Variants in RALGDS observed in about 807,000 individuals in gnomAD.
RALGDS encodes the protein ral guanine nucleotide dissociation stimulator, also known as ral guanine nucleotide exchange factor.
RALGDS carries 44 observed loss-of-function variants against 99.8 expected under a neutral mutation model. The ratio of observed to expected loss-of-function variants is 0.44; its 90% CI spans 0.35 to 0.57. The LOEUF (loss-of-function observed/expected upper bound fraction) is 0.57, where lower values mean the gene tolerates loss of function less well. Among genes scored for constraint, RALGDS ranks in the 20% least tolerant of loss-of-function variants. The pLI is 0.01. For synonymous variants in RALGDS, 529 were observed against 505.0 expected (o/e 1.05, Z -0.64); for missense variants, 1,022 against 1,203.1 (o/e 0.85, Z 2.23).
At chr9:133,124,674 T>A (rs1364922757), upstream of RALGDS, among the ~76,000 whole-genome samples, 1 of 152,200 alleles carries the variant, frequency 6.6e-6, no homozygotes, top group Non-Finnish European at 1.5e-5. Context: ...TGTTGCCCAA[T>A]GCCCTCAGAT....
At chr9:133,117,621 T>G (rs2365216) in intron 1 of RALGDS, among the ~76,000 whole-genome samples, 49,509 of 152,244 alleles carry the variant, frequency 0.33, 8,518 homozygotes, top group Middle Eastern at 0.43. Context: ...TGAGGCTGCA[T>G]GCATCAGTGT....
chr9:133,133,474 C>A (rs1745286507), upstream of RALGDS, among the ~76,000 whole-genome samples: 1 of 152,232 alleles, frequency 6.6e-6, no homozygotes, highest in African/African-American at 2.4e-5. Flanking sequence ...TTGTTCCCTG[C>A]TGGCCAGGCC....
chr9:133,147,941 T>G (rs1832652307), intron 1 of RALGDS, among the ~76,000 whole-genome samples: 1 of 152,196 alleles, frequency 6.6e-6, no homozygotes, highest in Admixed American at 6.5e-5. Context: ...GCAACGGCTC[T>G]GGCCCCACTT....
chr9:133,142,634 T>C (rs1464901921), intron 1 of RALGDS, among the ~76,000 whole-genome samples: 1 of 152,012 alleles, frequency 6.6e-6, no homozygotes, highest in Admixed American at 6.6e-5. Flanking sequence ...CCCACCCCTA[T>C]GGGGGGGCCC....
At chr9:133,132,625 G>A (rs1430309634), upstream of RALGDS, among the ~76,000 whole-genome samples, 17 of 151,940 alleles carry the variant, frequency 1.1e-4, no homozygotes, top group Non-Finnish European at 2.1e-4. Flanking sequence ...GGAAAGAAGC[G>A]CTCAACTTTC....
chr9:133,098,882 T>C (rs1433331788), intron 17 of RALGDS, 120 bp from the exon 18 acceptor site: 4 of 971,696 alleles, frequency 4.1e-6, no homozygotes, highest in Admixed American at 2.1e-5. Context: ...TCCCCTCCAA[T>C]ACAGCTCCAG....
chr9:133,100,767 G>A lies in RALGDS; in HGVS notation c.2455-385C>T, dbSNP rs1045855844. 15 of 1,156,836 alleles carry A rather than the reference G, an allele frequency of 1.3e-5. 1 individual carries two copies. The highest frequency in any genetic ancestry group is 8.0e-5 in the African/African-American group (5 of 62,486). The allele number at this position is 1,156,836 out of a possible 1,614,324, so 71.7% of individuals were successfully genotyped here. ...CCCTGGAGGTAAGAAAGGAGGGGCC[G>A]GCCAGGATGCTCAGTGTGGTCAGCA... On this transcript the variant is annotated intron_variant, in intron 16 of 17. Coordinates refer to ENST00000372050, the MANE Select transcript of RALGDS (RefSeq NM_006266.4).
Position 133,139,418 on chromosome 9 carries a change from G to A in RALGDS, c.18+9545C>T, listed in dbSNP as rs114894032. Among the ~76,000 whole-genome samples the A allele has an allele frequency of 5.2e-3, 799 of 152,280 alleles. 7 individuals are homozygous for A. Among genetic ancestry groups the A allele is most frequent in the African/African-American group, 0.018 (760 of 41,562 alleles). ...TCGAGGGGGCAGGGGGACCAGGCAG[G>A]CGGTGCCGCCAGCTGAGACCTTCCA... On this transcript the variant is annotated intron_variant, in intron 1 of 17. Transcript: ENST00000393160.
chr9:133,103,348 C>CAG, intron 11 of RALGDS, 86 bp from the exon 12 acceptor site: 1 of 1,545,262 alleles, frequency 6.5e-7, no homozygotes, highest in African/African-American at 1.4e-5. Context: ...ATCAAGAGTG[C>CAG]CCACCAGGGG....
intron 4 of RALGDS, 51 bp downstream of exon 4, chr9:133,109,575 C>T (rs745405760): frequency 1.3e-6 from 2 of 1,509,266 alleles, no homozygotes; most frequent in South Asian, 1.1e-5. Flanking sequence ...TGTACTCTCC[C>T]ACTGTTCGGT....
At chr9:133,100,525 G>A (rs1381595988) in intron 16 of RALGDS, 143 bp from the exon 17 acceptor site, 2 of 1,539,600 alleles carry the variant, frequency 1.3e-6, no homozygotes, top group African/African-American at 2.7e-5. Flanking sequence ...GGTCCGGAGA[G>A]GGCCTTGTCA....
Position 133,102,885 on chromosome 9 carries a change from C to T in RALGDS, c.1807G>A (p.Ala603Thr), listed in dbSNP as rs748828691. The change falls in exon 13 of 18, where the codon GCC becomes ACC. Residue 603 changes from alanine to threonine, a missense_variant. Physicochemically the swap from Ala to Thr is moderately conservative, Grantham distance 58 (BLOSUM62 0). Around this residue, in one of 3 missense-constraint regions of RALGDS, gnomAD observed 825 missense variants for 994.5 expected, o/e 0.83. Coordinates refer to ENST00000372050, the MANE Select transcript of RALGDS (RefSeq NM_006266.4). ...GCCGACTGCAGCAGCTTGATCTGGGCGATCACCTCGAACTCCTGGGGCCAG... is the reference window on the plus strand; with the variant it reads ...GCCGACTGCAGCAGCTTGATCTGGGTGATCACCTCGAACTCCTGGGGCCAG... ...EKRRKEFEVI[A>T]QIKLLQSACN... 4.3e-6 allele frequency: 7 copies of T among 1,613,158 alleles called. No homozygotes were observed. The highest frequency in any genetic ancestry group is 1.3e-5 in the African/African-American group (1 of 74,938).
chr9:133,148,567 T>G (rs116274123), intron 1 of RALGDS, among the ~76,000 whole-genome samples: 280 of 152,320 alleles, frequency 1.8e-3, no homozygotes, highest in African/African-American at 6.5e-3. Context: ...TCTGCGTGTG[T>G]GTGAGCATGT....
intron 1 of RALGDS, among the ~76,000 whole-genome samples, chr9:133,128,386 C>T (rs1034904181): frequency 6.6e-6 from 1 of 152,142 alleles, no homozygotes; most frequent in Non-Finnish European, 1.5e-5. Flanking sequence ...CCCATAGTCT[C>T]AGCCTAGTAC....
chr9:133,134,176 C>G (rs188020061), upstream of RALGDS, among the ~76,000 whole-genome samples: 1 of 152,182 alleles, frequency 6.6e-6, no homozygotes, highest in Non-Finnish European at 1.5e-5. Flanking sequence ...ATGCTGTGGT[C>G]GTGCAGGAGA....
rs113454889 is a variant in RALGDS, at chr9:133,137,746, AG to A, written c.18+11216del. 3.9e-4 allele frequency among the ~76,000 whole-genome samples: 59 copies of A among 152,310 alleles called. 1 individual carries two copies. Among genetic ancestry groups the A allele is most frequent in the African/African-American group, 1.3e-3 (56 of 41,576 alleles). On this transcript the variant is annotated intron_variant, in intron 1 of 17. Transcript: ENST00000393160. ...ACGGTGGAGGCGGTGGTAGGTGGTC[AG>A]GTTGGCCCTGGTTTAACCTAGGGGG... is the stretch of plus-strand genomic sequence containing the variant.
rs1248099865 is a variant in RALGDS at position 133,121,004 on chromosome 9, T to C, written c.151A>G (p.Thr51Ala). 4.0e-6 allele frequency: 6 copies of C among 1,496,918 alleles called. No homozygotes were observed. In the Admixed American group the frequency reaches 1.1e-4, roughly 27 times the overall value. The allele number at this position is 1,496,918 out of a possible 1,614,324, so 92.7% of individuals were successfully genotyped here. ...CGCGGCAGGTCGGGGTCTAGCTGCG[T>C]GAAGCTGTGCAGCACCACCGGGCAG... ...DSCPVVLHSF[T>A]QLDPDLPRPE... Residue 51 changes from threonine to alanine, a missense_variant, in exon 1 of 18, where the codon ACG becomes GCG. By Grantham distance (58) the Thr-to-Ala change is moderately conservative (BLOSUM62 0). Around this residue, in one of 3 missense-constraint regions of RALGDS, gnomAD observed 180 missense variants for 169.3 expected, o/e 1.06. Transcript: ENST00000372050.
rs2119275954 is a variant in RALGDS at position 133,144,053 on chromosome 9, T to G, written c.18+4910A>C. Among the ~76,000 whole-genome samples, 1 of 152,050 alleles carries G rather than the reference T, an allele frequency of 6.6e-6. No individual in the cohort carries two copies. Among genetic ancestry groups the G allele is most frequent in the South Asian group, 2.1e-4 (1 of 4,816 alleles). On this transcript the variant is annotated intron_variant, in intron 1 of 17. Coordinates refer to the RALGDS transcript ENST00000393160. The surrounding 1 kb of genome is among the most constrained non-coding windows in gnomAD (Gnocchi z 4.5). ...GCATCCCAGCTCCCCTGAGGCAGGG[T>G]CTGGGGCTGGGGTTGGGGGGAAGGA...
upstream of RALGDS, among the ~76,000 whole-genome samples, chr9:133,125,643 G>C (rs1271837352): frequency 2.6e-5 from 4 of 152,204 alleles, no homozygotes; most frequent in East Asian, 7.7e-4. Context: ...GGCTGAGGCA[G>C]GAGAATCGCT....
Sources: gnomAD v4.1 joint callset for allele counts (sites outside exome capture counted in the v4.1 genomes callset) on GRCh38, gnomAD v4.1.1 for gene constraint, gnomAD v4.1.1 regional missense constraint, Gnocchi (gnomAD v3.1) non-coding constraint, MANE v1.5 for transcripts, NCBI Gene and HGNC (gene_info 2026-07-23, HGNC 2026-07-21) for gene names.